SPARC: variants seen among roughly 807,000 people sequenced by gnomAD.
SPARC encodes secreted protein acidic and cysteine rich, also known as basement-membrane protein 40.
In SPARC, 23 loss-of-function variants were observed where a neutral mutation model predicts 37.7. The observed-to-expected ratio is 0.61, with a 90% CI of 0.44 to 0.87. The LOEUF (loss-of-function observed/expected upper bound fraction) is 0.87, where lower values mean the gene tolerates loss of function less well. Among genes scored for constraint, SPARC ranks in the 40% least tolerant of loss-of-function variants. The pLI is 0.00. For missense variants in SPARC, 312 were observed against 389.0 expected, an observed-to-expected ratio of 0.80 and a Z score of 1.66; for synonymous variants, 155 against 150.8, an observed-to-expected ratio of 1.03 and a Z score of -0.20.
In SPARC at chr5:151,665,968, A is replaced by G. The variant is rs190645912; in HGVS notation, c.734+393T>C. On this transcript the variant is annotated intron_variant, in intron 8 of 9. Coordinates refer to ENST00000231061, the MANE Select transcript of SPARC (RefSeq NM_003118.4). ...GGCTGAGCCTTAGGAGGGGGCTTAG[A>G]CAGTGCCAGGTGGCTGCTCTGCCCC... Among the ~76,000 whole-genome samples the G allele has an allele frequency of 1.0e-3, 157 of 152,260 alleles. 2 individuals carry two copies. Among genetic ancestry groups the G allele is most frequent in the African/African-American group, 3.7e-3 (154 of 41,550 alleles).
At chr5:151,680,214 A>ATTTTTTTTTTT (rs1258425937) in intron 1 of SPARC, among the ~76,000 whole-genome samples, 2 of 89,994 alleles carry the variant, frequency 2.2e-5, no homozygotes, top group Admixed American at 1.0e-4. Flanking sequence ...AGTGGAAAAC[A>ATTTTTTTTTTT]TCTTTTTTTT....
chr5:151,673,996 G>A (rs934600759), intron 3 of SPARC, among the ~76,000 whole-genome samples: 3 of 145,690 alleles, frequency 2.1e-5, no homozygotes, highest in Non-Finnish European at 3.0e-5. Flanking sequence ...GTGTGTGTGT[G>A]TGTGTGTGTG....
intron 1 of SPARC, chr5:151,685,686 C>T (rs1423997378): frequency 2.0e-5 from 3 of 152,184 alleles, no homozygotes; most frequent in African/African-American, 7.2e-5. Context: ...CCTACTTCTG[C>T]TTTGCTTCTC....
chr5:151,678,807 AAAATC>A (rs1760920300), intron 1 of SPARC, among the ~76,000 whole-genome samples: 1 of 152,184 alleles, frequency 6.6e-6, no homozygotes, highest in South Asian at 2.1e-4. Context: ...ACACAAACAC[AAAATC>A]TGGGTCCTGC....
In SPARC at chr5:151,667,592, G is replaced by C. The variant is rs749186030; in HGVS notation, c.460C>G (p.Pro154Ala). The C allele has an allele frequency of 4.3e-6, 7 of 1,613,948 alleles. No individual in the cohort carries two copies. In the Admixed American group the frequency reaches 6.7e-5, roughly 15 times the overall value. Residue 154 changes from proline to alanine, a missense_variant, in exon 7 of 10, where the codon CCT (proline) becomes GCT (alanine). By Grantham distance (27) the Pro-to-Ala change is conservative. Transcript: ENST00000231061. ...TCGGTCAGCTCAGAGTCCAGGCAAGGGGGGATGTCTAGGTTCCAAACACAA... is the reference window on the plus strand; with the variant it reads ...TCGGTCAGCTCAGAGTCCAGGCAAGCGGGGATGTCTAGGTTCCAAACACAA... Reference protein sequence around the residue: ...DYIGPCKYIPPCLDSELTEFP... With the variant: ...DYIGPCKYIPACLDSELTEFP...
intron 2 of SPARC, 117 bp downstream of exon 2, chr5:151,676,015 A>T: frequency 1.3e-6 from 1 of 756,344 alleles, no homozygotes; most frequent in Non-Finnish European, 2.2e-6. Flanking sequence ...AAAAAAGACC[A>T]CTAACTTGAA....
At chr5:151,665,520 A>G (rs909788259) in intron 8 of SPARC, among the ~76,000 whole-genome samples, 6 of 151,918 alleles carry the variant, frequency 3.9e-5, no homozygotes, top group African/African-American at 1.4e-4. Context: ...GTATGTGAGT[A>G]GGGCAGCCCT....
Position 151,663,348 on chromosome 5 carries a change from A to T in SPARC, c.*223T>A. 1.8e-6 allele frequency: 1 copy of T among 542,796 alleles called. No homozygotes were observed. The highest frequency in any genetic ancestry group is 2.4e-5 in the South Asian group (1 of 40,820). The allele number at this position is 542,796 out of a possible 1,614,324, so 33.6% of individuals were successfully genotyped here. A position where few individuals can be genotyped will look rare whatever the true frequency, so the allele number is the denominator to read the frequency against. The stretch of plus-strand genomic sequence containing the variant: ...CTACAAATGGCAAGAGAAAAATGGG[A>T]CTATTAATGCGTGTGGAAAAGGCCT... On this transcript the variant is annotated 3_prime_UTR_variant, in exon 10 of 10. Transcript: ENST00000231061.
At position 151,662,960 on chromosome 5, in the gene SPARC, CTTA is replaced by C. The variant is rs1425020189; in HGVS notation, c.*608_*610del. 1.3e-5 allele frequency: 2 copies of C among 152,332 alleles called. No homozygotes were observed. Among genetic ancestry groups the C allele is most frequent in the African/African-American group, 4.8e-5 (2 of 41,466 alleles). 9.4% of individuals were successfully genotyped at this position (152,332 alleles called of 1,614,324 possible). Reference sequence around the variant, plus strand: ...AAGGAGGAAATGGTGATGAACTGGGCTTATGTGAGAATGTCTATATTTTCATAA... The same window carrying C: ...AAGGAGGAAATGGTGATGAACTGGGCTGTGAGAATGTCTATATTTTCATAA... On this transcript the variant is annotated 3_prime_UTR_variant, in exon 10 of 10. Coordinates refer to ENST00000231061, the MANE Select transcript of SPARC (RefSeq NM_003118.4).
At chr5:151,680,734 A>G (rs1206499883) in intron 1 of SPARC, among the ~76,000 whole-genome samples, 1 of 152,212 alleles carries the variant, frequency 6.6e-6, no homozygotes, top group African/African-American at 2.4e-5. Flanking sequence ...TGGGGCCTCA[A>G]TTTGTTCCCC....
At chr5:151,684,212 T>G (rs1247390602) in intron 1 of SPARC, among the ~76,000 whole-genome samples, 2 of 152,128 alleles carry the variant, frequency 1.3e-5, no homozygotes, top group Non-Finnish European at 1.5e-5. Context: ...CAACTGGGGG[T>G]GCAGTAAGGC....
Position 151,663,441 on chromosome 5 carries a change from G to T in SPARC, c.*130C>A. The stretch of plus-strand genomic sequence containing the variant: ...AATTTTCATTTTTAGCACCGTTAAT[G>T]TATTCACTTAAATCTATGTTAGCAC... On this transcript the variant is annotated 3_prime_UTR_variant, in exon 10 of 10. Coordinates refer to ENST00000231061, the MANE Select transcript of SPARC (RefSeq NM_003118.4). 4 of 865,222 alleles carry T rather than the reference G, an allele frequency of 4.6e-6. No homozygotes were observed. The highest frequency in any genetic ancestry group is 7.6e-6 in the Non-Finnish European group (4 of 528,872). The allele number at this position is 865,222 out of a possible 1,614,324, so 53.6% of individuals were successfully genotyped here. A position where few individuals can be genotyped will look rare whatever the true frequency, so the allele number is the denominator to read the frequency against.
rs181155068 is a variant in SPARC at position 151,681,340 on chromosome 5, G to A, written c.-13-5139C>T. ...AGCTCAGAGGTGGCCTCATGACGTGGAAGTCAGGAGAGCTGAGAGCAAGTC... is the reference window on the plus strand; with the variant it reads ...AGCTCAGAGGTGGCCTCATGACGTGAAAGTCAGGAGAGCTGAGAGCAAGTC... On this transcript the variant is annotated intron_variant, in intron 1 of 9. Transcript: ENST00000231061. 1.9e-3 allele frequency among the ~76,000 whole-genome samples: 284 copies of A among 152,326 alleles called. 1 individual carries two copies. The highest frequency in any genetic ancestry group is 6.7e-3 in the African/African-American group (279 of 41,570).
Position 151,664,327 on chromosome 5 carries a change from C to T in SPARC, c.735-92G>A, listed in dbSNP as rs540025549. On this transcript the variant is annotated intron_variant, in intron 8 of 9. Transcript: ENST00000231061. The stretch of plus-strand genomic sequence containing the variant: ...ACCGGGGAGTTAGCCTGCCCCAGAG[C>T]ATGGAGGAAAGGATATTTAAAGCAG... The T allele has an allele frequency of 5.0e-5, 59 of 1,185,606 alleles. No individual in the cohort carries two copies. The African/African-American group carries it at 8.0e-4, about 16-fold the overall frequency. 73.4% of individuals were successfully genotyped at this position (1,185,606 alleles called of 1,614,324 possible). A position where few individuals can be genotyped will look rare whatever the true frequency, so the allele number is the denominator to read the frequency against.
Position 151,673,221 on chromosome 5 carries a change from A to G in SPARC, c.121-5T>C, listed in dbSNP as rs1760785487. ...AGGATTAGCTCCCACAGATACCTGGAATTGAGGGAGAAGAATGGGTGAAAT... is the reference window on the plus strand; with the variant it reads ...AGGATTAGCTCCCACAGATACCTGGGATTGAGGGAGAAGAATGGGTGAAAT... On this transcript the variant is annotated splice_region_variant and splice_polypyrimidine_tract_variant and intron_variant, in intron 3 of 9. Transcript: ENST00000231061. The G allele has an allele frequency of 6.2e-7, 1 of 1,602,992 alleles. No homozygotes were observed. Among genetic ancestry groups the G allele is most frequent in the African/African-American group, 1.3e-5 (1 of 74,832 alleles).
intron 5 of SPARC, among the ~76,000 whole-genome samples, chr5:151,671,304 G>A (rs1760744542): frequency 6.6e-6 from 1 of 152,262 alleles, no homozygotes; most frequent in South Asian, 2.1e-4. Context: ...ATTCTTTGCT[G>A]ATGCTGTTAT....
intron 3 of SPARC, 70 bp from the exon 4 acceptor site, chr5:151,673,286 G>A: frequency 1.9e-6 from 2 of 1,067,794 alleles, no homozygotes; most frequent in Admixed American, 3.4e-5. Flanking sequence ...GTAGCTGAAG[G>A]GTTCCAGGTC....
intron 1 of SPARC, among the ~76,000 whole-genome samples, chr5:151,680,787 T>C (rs1760971118): frequency 6.6e-6 from 1 of 152,170 alleles, no homozygotes; most frequent in Admixed American, 6.5e-5. Flanking sequence ...CTTTAAAGGC[T>C]CATGGGTGAT....
chr5:151,673,462 A>T (rs2113100562), intron 3 of SPARC, among the ~76,000 whole-genome samples: 1 of 152,308 alleles, frequency 6.6e-6, no homozygotes, highest in African/African-American at 2.4e-5. Flanking sequence ...TCACTAAGCT[A>T]AGGGGAAAAG....
Sources: gnomAD v4.1 joint callset for allele counts (sites outside exome capture counted in the v4.1 genomes callset) on GRCh38, gnomAD v4.1.1 for gene constraint, MANE v1.5 for transcripts, NCBI Gene and HGNC (gene_info 2026-07-23, HGNC 2026-07-21) for gene names.